STPG2: variants seen among roughly 807,000 people sequenced by gnomAD.
The protein encoded by STPG2 is sperm-tail PG-rich repeat-containing protein 2.
STPG2 carries 56 observed loss-of-function variants against 54.2 expected under a neutral mutation model. The ratio of observed to expected loss-of-function variants is 1.03; its 90% confidence interval spans 0.83 to 1.29. The LOEUF is 1.29. Among genes scored for constraint, STPG2 ranks in the 50% most tolerant of loss-of-function variants. The probability of loss-of-function intolerance (pLI) is 0.00; values close to 1 mark genes in which losing one functional copy is unlikely to be tolerated. For synonymous variants in STPG2, 200 were observed against 181.8 expected (o/e 1.10, Z -0.81); for missense variants, 596 against 544.9 (o/e 1.09, Z -0.93).
chr4:97,999,482 C>A (rs1323420029), intron 5 of STPG2, among the ~76,000 whole-genome samples: 1 of 151,590 alleles, frequency 6.6e-6, no homozygotes, highest in Non-Finnish European at 1.5e-5. Flanking sequence ...GTGGGCAGAT[C>A]ATTTGAGGTC....
intron 9 of STPG2, among the ~76,000 whole-genome samples, chr4:97,715,227 C>T (rs907662527): frequency 6.6e-6 from 1 of 152,142 alleles, no homozygotes; most frequent in Non-Finnish European, 1.5e-5. Context: ...GCTTCATCAG[C>T]TCTCATTCAT....
chr4:97,471,785 T>G (rs1315802589), intron 4 of STPG2, among the ~76,000 whole-genome samples: 2 of 152,222 alleles, frequency 1.3e-5, no homozygotes, highest in Non-Finnish European at 2.9e-5. Flanking sequence ...AGGATTAATA[T>G]TATAAATACA....
At chr4:97,875,421 G>A (rs1003602702) in intron 8 of STPG2, among the ~76,000 whole-genome samples, 35 of 141,058 alleles carry the variant, frequency 2.5e-4, no homozygotes, top group South Asian at 6.6e-4. Context: ...CTAATGACTC[G>A]TAAGGAAAAA....
At chr4:97,463,715 G>A (rs13135061) in intron 4 of STPG2, 67,359 of 152,072 alleles carry the variant, frequency 0.44, 17,161 homozygotes, top group Non-Finnish European at 0.57. Flanking sequence ...CTCCCAAAGT[G>A]CCAGGATTAC....
At chr4:97,703,706 A>T (rs974290661) in intron 10 of STPG2, among the ~76,000 whole-genome samples, 2 of 142,652 alleles carry the variant, frequency 1.4e-5, no homozygotes, top group Non-Finnish European at 3.0e-5. Flanking sequence ...TATATAGTAT[A>T]TTATAGTATA....
At chr4:97,835,680 G>A (rs1728611085) in intron 9 of STPG2, among the ~76,000 whole-genome samples, 2 of 152,102 alleles carry the variant, frequency 1.3e-5, no homozygotes, top group African/African-American at 4.8e-5. Flanking sequence ...ACCATACAGA[G>A]TGACTCCTCT....
chr4:97,970,748 G>A (rs1366672470), intron 7 of STPG2, among the ~76,000 whole-genome samples: 1 of 152,140 alleles, frequency 6.6e-6, no homozygotes, highest in Non-Finnish European at 1.5e-5. Flanking sequence ...ACATAGGCAT[G>A]GGCAAGGACT....
chr4:97,848,882 A>T (rs1287015095), intron 8 of STPG2, among the ~76,000 whole-genome samples: 2 of 150,628 alleles, frequency 1.3e-5, no homozygotes, highest in Non-Finnish European at 3.0e-5. Context: ...TACCAGTACC[A>T]TGCTGTTTTG....
chr4:97,670,827 AAAG>A (rs1722673770), intron 10 of STPG2, among the ~76,000 whole-genome samples: 1 of 152,228 alleles, frequency 6.6e-6, no homozygotes, highest in Non-Finnish European at 1.5e-5. Flanking sequence ...GAGTAGCTTC[AAAG>A]AAGGGGAATG....
chr4:98,072,204 A>G (rs1032855075), intron 5 of STPG2, among the ~76,000 whole-genome samples: 1 of 152,212 alleles, frequency 6.6e-6, no homozygotes, highest in Admixed American at 6.6e-5. Flanking sequence ...GTTGTTACAT[A>G]TATACCACAG....
intron 8 of STPG2, among the ~76,000 whole-genome samples, chr4:97,873,872 A>C (rs1248441858): frequency 6.6e-6 from 1 of 151,636 alleles, no homozygotes; most frequent in Non-Finnish European, 1.5e-5. Context: ...TTGGGCTTTA[A>C]TAAGTTCACA....
At position 97,780,970 on chromosome 4, in the gene STPG2, G is replaced by A. The variant is rs562923191; in HGVS notation, c.1204+59803C>T. 4.4e-3 allele frequency among the ~76,000 whole-genome samples: 674 copies of A among 152,182 alleles called. 2 individuals carry two copies. The highest frequency in any genetic ancestry group is 7.2e-3 in the Non-Finnish European group (487 of 68,022). ...AATTTATAGCACTAAATGCCCACAA[G>A]AGAAAGCGGCAAAGATCTAAAATTG... On this transcript the variant is annotated intron_variant, in intron 9 of 10. Transcript: ENST00000295268.
In STPG2 at chr4:97,918,503, T is replaced by G. The variant is rs557094262; in HGVS notation, c.1044+25394A>C. Reference sequence around the variant, plus strand: ...GGTCACATGCTGATCCATAGGTCCATGCTGTGTATGTGTAATAAAAAACTA... The same window carrying G: ...GGTCACATGCTGATCCATAGGTCCAGGCTGTGTATGTGTAATAAAAAACTA... On this transcript the variant is annotated intron_variant, in intron 8 of 10. Transcript: ENST00000295268. Among the ~76,000 whole-genome samples the G allele has an allele frequency of 3.9e-5, 6 of 152,146 alleles. No individual in the cohort carries two copies. The South Asian group carries it at 1.2e-3, about 32-fold the overall frequency.
chr4:98,035,026 A>T (rs1020424804), intron 5 of STPG2, among the ~76,000 whole-genome samples: 1 of 152,226 alleles, frequency 6.6e-6, no homozygotes, highest in African/African-American at 2.4e-5. Context: ...ACCATTCAGG[A>T]CATAGGCATG....
At chr4:97,596,441 C>T in intron 10 of STPG2, among the ~76,000 whole-genome samples, 1 of 152,108 alleles carries the variant, frequency 6.6e-6, no homozygotes, top group Non-Finnish European at 1.5e-5. Flanking sequence ...GAACTCTCTA[C>T]CCAAAACAAC....
At chr4:97,792,148 C>T (rs1030942911) in intron 9 of STPG2, among the ~76,000 whole-genome samples, 1 of 152,102 alleles carries the variant, frequency 6.6e-6, no homozygotes, top group Non-Finnish European at 1.5e-5. Context: ...ATAAAGCCAG[C>T]AAAACCATAT....
intron 5 of STPG2, among the ~76,000 whole-genome samples, chr4:98,043,410 C>A (rs1015783960): frequency 1.3e-5 from 2 of 151,890 alleles, no homozygotes; most frequent in African/African-American, 4.8e-5. Flanking sequence ...TTTTGTCCCT[C>A]TTTTTCTCTT....
chr4:97,959,010 T>C (rs1307373607), intron 7 of STPG2, among the ~76,000 whole-genome samples: 1 of 151,966 alleles, frequency 6.6e-6, no homozygotes. Flanking sequence ...AAAACTGAAA[T>C]TATTACAAGC....
chr4:97,673,299 C>T (rs1722750144), intron 10 of STPG2, among the ~76,000 whole-genome samples: 1 of 152,150 alleles, frequency 6.6e-6, no homozygotes, highest in South Asian at 2.1e-4. Context: ...TTTTTGTCAT[C>T]TATAGAGAAT....
Sources: allele counts gnomAD v4.1 joint callset (sites outside exome capture counted in the v4.1 genomes callset), GRCh38; gene constraint gnomAD v4.1.1; transcripts MANE v1.5; gene names NCBI Gene and HGNC (gene_info 2026-07-23, HGNC 2026-07-21).